ROBO2: variants seen among roughly 807,000 people sequenced by gnomAD.
The protein encoded by ROBO2 is roundabout guidance receptor 2, also known as roundabout homolog 2.
In ROBO2, 53 loss-of-function variants were observed where a neutral mutation model predicts 160.8. The ratio of observed to expected loss-of-function variants is 0.33; its 90% CI spans 0.26 to 0.41. ROBO2 has a LOEUF of 0.41. Ranked by LOEUF, ROBO2 falls within the 10% of genes least tolerant of loss-of-function variation. The pLI is 1.00. For synonymous variants in ROBO2, 664 were observed against 611.7 expected (o/e 1.09, Z -1.26); for missense variants, 1,577 against 1,722.4 (o/e 0.92, Z 1.49).
At chr3:76,588,606 G>T (rs549130654) in intron 2 of ROBO2, among the ~76,000 whole-genome samples, 75 of 152,224 alleles carry the variant, frequency 4.9e-4, no homozygotes, top group African/African-American at 1.7e-3. Context: ...ATTGGAAAAC[G>T]TTACAAATAG....
intron 2 of ROBO2, among the ~76,000 whole-genome samples, chr3:76,159,885 A>G (rs540620323): frequency 1.3e-5 from 2 of 152,274 alleles, no homozygotes; most frequent in African/African-American, 4.8e-5. Flanking sequence ...TTAAGAAACA[A>G]AAAAGATGTC....
intron 2 of ROBO2, among the ~76,000 whole-genome samples, chr3:76,642,708 A>G (rs1282079753): frequency 2.0e-5 from 3 of 152,124 alleles, no homozygotes; most frequent in Non-Finnish European, 4.4e-5. Flanking sequence ...TACATAAAAC[A>G]TAACCATGGA....
At chr3:77,644,671 C>T in intron 24 of ROBO2, 33 bp from the exon 27 acceptor site, 1 of 1,604,780 alleles carries the variant, frequency 6.2e-7, no homozygotes, top group East Asian at 2.2e-5. Context: ...TGTTTCTGTT[C>T]AATTTAGCCT....
intron 2 of ROBO2, among the ~76,000 whole-genome samples, chr3:77,003,529 G>A (rs1263383966): frequency 2.0e-5 from 3 of 152,054 alleles, no homozygotes; most frequent in Non-Finnish European, 2.9e-5. Context: ...ACTGACTGCA[G>A]GGTAGACTTT....
chr3:76,183,062 G>A (rs941012214), intron 2 of ROBO2, among the ~76,000 whole-genome samples: 1 of 152,094 alleles, frequency 6.6e-6, no homozygotes, highest in Non-Finnish European at 1.5e-5. Flanking sequence ...ATGGAATTTA[G>A]CTGGCGAATG....
chr3:77,115,403 T>C (rs2074099636), intron 2 of ROBO2, among the ~76,000 whole-genome samples: 1 of 152,180 alleles, frequency 6.6e-6, no homozygotes, highest in African/African-American at 2.4e-5. Flanking sequence ...CTATGTCATC[T>C]TCAAAGTTTT....
At chr3:77,026,043 A>C (rs931026172) in intron 2 of ROBO2, among the ~76,000 whole-genome samples, 1 of 152,242 alleles carries the variant, frequency 6.6e-6, no homozygotes, top group Non-Finnish European at 1.5e-5. Flanking sequence ...CACAAAATAC[A>C]GCAAAGTTTA....
chr3:77,198,962 T>C (rs2082565804), intron 2 of ROBO2, among the ~76,000 whole-genome samples: 1 of 151,996 alleles, frequency 6.6e-6, no homozygotes, highest in African/African-American at 2.4e-5. Context: ...TTTGTAAAAA[T>C]ATGCTCTATG....
chr3:77,574,914 T>C (rs2093723544), intron 14 of ROBO2, among the ~76,000 whole-genome samples, 184 bp downstream of exon 15: 1 of 152,046 alleles, frequency 6.6e-6, no homozygotes, highest in Admixed American at 6.6e-5. Flanking sequence ...AGGACACTAA[T>C]GTAATTTGAA....
intron 2 of ROBO2, among the ~76,000 whole-genome samples, chr3:77,342,386 G>A (rs1362777277): frequency 4.6e-5 from 7 of 152,048 alleles, no homozygotes; most frequent in Admixed American, 1.3e-4. Context: ...TGGGGTCACC[G>A]TAAAACAAAA....
chr3:75,988,195 A>T (rs1315169537), intron 2 of ROBO2, among the ~76,000 whole-genome samples: 1 of 151,996 alleles, frequency 6.6e-6, no homozygotes, highest in Non-Finnish European at 1.5e-5. Context: ...TTTATTACAG[A>T]TCTATAATCC....
chr3:77,416,639 A>C (rs577063159), intron 2 of ROBO2, among the ~76,000 whole-genome samples: 11 of 150,656 alleles, frequency 7.3e-5, no homozygotes, highest in African/African-American at 2.4e-4. Flanking sequence ...ATCACTTGAA[A>C]CCAGGAGGCA....
At chr3:76,861,948 T>A (rs1375172229) in intron 2 of ROBO2, among the ~76,000 whole-genome samples, 1 of 152,156 alleles carries the variant, frequency 6.6e-6, no homozygotes, top group East Asian at 1.9e-4. Flanking sequence ...ATTTTATATA[T>A]TCTCAGAGGC....
chr3:76,601,968 T>C (rs2087183077), intron 2 of ROBO2, among the ~76,000 whole-genome samples: 1 of 152,196 alleles, frequency 6.6e-6, no homozygotes, highest in African/African-American at 2.4e-5. Context: ...TAGAAATTTC[T>C]TCCACCAGGT....
intron 2 of ROBO2, among the ~76,000 whole-genome samples, chr3:76,245,208 T>C (rs141514083): frequency 0.036 from 5,518 of 152,308 alleles, 125 homozygotes; most frequent in South Asian, 0.079. Flanking sequence ...AATATCAATA[T>C]TGACATAAGT....
At chr3:76,052,955 A>G (rs1452327039) in intron 2 of ROBO2, among the ~76,000 whole-genome samples, 1 of 151,968 alleles carries the variant, frequency 6.6e-6, no homozygotes, top group Admixed American at 6.6e-5. Flanking sequence ...AAGAAATATA[A>G]CCTTTGGTTA....
At chr3:76,503,614 G>C (rs904795968) in intron 2 of ROBO2, among the ~76,000 whole-genome samples, 4 of 152,154 alleles carry the variant, frequency 2.6e-5, no homozygotes, top group African/African-American at 7.2e-5. Flanking sequence ...TGGAGTACTA[G>C]TCAGCCTTAT....
chr3:76,591,952 G>T (rs1449546682), intron 2 of ROBO2, among the ~76,000 whole-genome samples: 1 of 152,034 alleles, frequency 6.6e-6, no homozygotes, highest in Non-Finnish European at 1.5e-5. Flanking sequence ...CACAGAGCTT[G>T]GTTCACTGTG....
At chr3:76,760,231 A>T (rs922962740) in intron 2 of ROBO2, among the ~76,000 whole-genome samples, 4 of 151,726 alleles carry the variant, frequency 2.6e-5, no homozygotes, top group Admixed American at 2.6e-4. Flanking sequence ...GGACCTTTTT[A>T]AAATGTTTTA....
Sources: gnomAD v4.1 joint callset for allele counts (sites outside exome capture counted in the v4.1 genomes callset) on GRCh38, gnomAD v4.1.1 for gene constraint, MANE v1.5 for transcripts, NCBI Gene and HGNC (gene_info 2026-07-23, HGNC 2026-07-21) for gene names.